Variants in RET observed in about 807,000 individuals in gnomAD.
RET encodes proto-oncogene tyrosine-protein kinase receptor Ret.
RET carries 19 observed loss-of-function variants against 118.3 expected under a neutral mutation model. The ratio of observed to expected loss-of-function variants is 0.16; its 90% CI spans 0.11 to 0.24. RET has a LOEUF of 0.24. Ranked by LOEUF, RET falls within the 10% of genes least tolerant of loss-of-function variation. The pLI is 1.00. For missense variants in RET, 1,219 were observed against 1,502.1 expected, an observed-to-expected ratio of 0.81 and a Z score of 3.12; for synonymous variants, 597 against 644.1, an observed-to-expected ratio of 0.93 and a Z score of 1.11.
At chr10:43,107,233 G>A (rs1347959268) in intron 5 of RET, among the ~76,000 whole-genome samples, 1 of 152,122 alleles carries the variant, frequency 6.6e-6, no homozygotes, top group Non-Finnish European at 1.5e-5. Flanking sequence ...GCCTGGTCCT[G>A]TTCATTCCTC....
intron 18 of RET, 142 bp from the exon 19 acceptor site, chr10:43,126,433 C>T (rs2133030445): frequency 1.2e-6 from 1 of 814,510 alleles, no homozygotes; most frequent in Non-Finnish European, 2.1e-6. Flanking sequence ...GCAGCCTGGC[C>T]CTGGTCTCTT....
chr10:43,124,395 C>T (rs886899271), intron 17 of RET, among the ~76,000 whole-genome samples: 13 of 152,068 alleles, frequency 8.5e-5, no homozygotes, highest in African/African-American at 2.9e-4. Flanking sequence ...CCAGCTGGAG[C>T]GCTGTGGTCT....
intron 1 of RET, among the ~76,000 whole-genome samples, chr10:43,082,204 C>G (rs1837200271): frequency 6.6e-6 from 1 of 152,186 alleles, no homozygotes; most frequent in Non-Finnish European, 1.5e-5. Flanking sequence ...TCCTTGTTCC[C>G]ACAGCTCCTC....
At chr10:43,121,484 G>A (rs1357093874) in intron 15 of RET, among the ~76,000 whole-genome samples, 2 of 152,056 alleles carry the variant, frequency 1.3e-5, no homozygotes, top group African/African-American at 4.8e-5. Context: ...CAATAAGAGA[G>A]AAAAAACAGC....
intron 1 of RET, among the ~76,000 whole-genome samples, chr10:43,098,125 A>G (rs956430342): frequency 2.0e-5 from 3 of 152,246 alleles, no homozygotes; most frequent in African/African-American, 4.8e-5. Context: ...ATTTTTAAGT[A>G]TACATTTCAG....
At chr10:43,095,399 T>A (rs991301460) in intron 1 of RET, among the ~76,000 whole-genome samples, 6 of 152,112 alleles carry the variant, frequency 3.9e-5, no homozygotes, top group Non-Finnish European at 7.4e-5. Context: ...TCCAAAGCCC[T>A]CCACCGATGA....
intron 18 of RET, among the ~76,000 whole-genome samples, chr10:43,125,342 G>C (rs1292378072): frequency 6.6e-6 from 1 of 152,226 alleles, no homozygotes; most frequent in Admixed American, 6.5e-5. Context: ...CCCAGAGGGG[G>C]GTCCGGCTGG....
chr10:43,093,979 G>A (rs553965783), intron 1 of RET, among the ~76,000 whole-genome samples: 261 of 152,160 alleles, frequency 1.7e-3, no homozygotes, highest in Non-Finnish European at 2.7e-3. Context: ...GCAGGGCCAC[G>A]GGCTCCAGGG....
At chr10:43,084,094 G>A (rs1298573162) in intron 1 of RET, among the ~76,000 whole-genome samples, 1 of 152,208 alleles carries the variant, frequency 6.6e-6, no homozygotes, top group South Asian at 2.1e-4. Context: ...TCCTGTGAGG[G>A]GTAAATAGTG....
At chr10:43,095,349 A>G (rs1331795433) in intron 1 of RET, among the ~76,000 whole-genome samples, 1 of 152,020 alleles carries the variant, frequency 6.6e-6, no homozygotes, top group African/African-American at 2.4e-5. Context: ...AGGTGTAACA[A>G]CCGGAGACAG....
intron 16 of RET, 63 bp from the exon 17 acceptor site, chr10:43,123,608 G>GC (rs1407532958): frequency 8.1e-6 from 13 of 1,609,508 alleles, no homozygotes; most frequent in East Asian, 6.7e-5. Flanking sequence ...GGATATCTGG[G>GC]CCCCCCGGAG....
Position 43,106,383 on chromosome 10 carries a change from T to C in RET, c.875T>C (p.Val292Ala). The change falls in exon 5 of 20, where the codon GTG (valine) becomes GCG (alanine). Residue 292 changes from valine to alanine, a missense_variant. Physicochemically the swap from Val to Ala is moderately conservative, Grantham distance 64 (BLOSUM62 0). Around this residue, in one of 5 missense-constraint regions of RET, gnomAD observed 850 missense variants for 969.6 expected, o/e 0.88. Transcript: ENST00000355710. The surrounding 1 kb of genome is among the most constrained non-coding windows in gnomAD (Gnocchi z 5.1). Reference protein sequence around the residue: ...VVEFKRKEDTVVATLRVFDAD... With the variant: ...VVEFKRKEDTAVATLRVFDAD... Reference sequence around the variant, plus strand: ...GCCCTCTGCATCCTGCAGGACACCGTGGTGGCCACGCTGCGTGTCTTCGAT... The same window carrying C: ...GCCCTCTGCATCCTGCAGGACACCGCGGTGGCCACGCTGCGTGTCTTCGAT... 1 of 1,610,948 alleles carries C rather than the reference T, an allele frequency of 6.2e-7. No individual in the cohort carries two copies. The highest frequency in any genetic ancestry group is 8.5e-7 in the Non-Finnish European group (1 of 1,179,892).
At position 43,106,559 on chromosome 10, in the gene RET, G is replaced by A. The variant is rs777716061; in HGVS notation, c.1051G>A (p.Val351Ile). The change falls in exon 5 of 20, where the codon GTA (valine) becomes ATA (isoleucine). Residue 351 changes from valine (V) to isoleucine (I), a missense_variant. Physicochemically the swap from Val to Ile is conservative, Grantham distance 29 (BLOSUM62 3). Coordinates refer to ENST00000355710, the MANE Select transcript of RET (RefSeq NM_020975.6). The surrounding 1 kb of genome is among the most constrained non-coding windows in gnomAD (Gnocchi z 5.1). ...QANGSFVRAT[V>I]HDYRLVLNRN... ...CAACGGCAGCTTCGTGCGGGCGACC[G>A]TACATGACTATAGTAAGAGGGGCTG... The A allele has an allele frequency of 9.3e-6, 15 of 1,613,320 alleles. No homozygotes were observed. Among genetic ancestry groups the A allele is most frequent in the African/African-American group, 1.3e-5 (1 of 74,880 alleles).
At chr10:43,119,903 G>A (rs927113622) in intron 14 of RET, among the ~76,000 whole-genome samples, 158 bp downstream of exon 14, 26 of 149,742 alleles carry the variant, frequency 1.7e-4, no homozygotes, top group Admixed American at 1.4e-3. Context: ...GGCTCACCAC[G>A]CCCCTGCCAT....
chr10:43,122,846 A>G (rs1564500277), intron 16 of RET, among the ~76,000 whole-genome samples: 2 of 152,138 alleles, frequency 1.3e-5, no homozygotes, highest in Non-Finnish European at 2.9e-5. Context: ...CTGACCTCAA[A>G]TGATCCACCC....
At position 43,102,475 on chromosome 10, in the gene RET, C is replaced by T. The variant is rs2132681439; in HGVS notation, c.471C>T (p.Cys157=). The part of the protein sequence containing the change: ...FSFFNTSFPA[C]SSLKPRELCF... ...TCTTCAACACCTCCTTTCCAGCCTGCAGCTCCCTCAAGCCCCGGGAGCTCT... is the reference window on the plus strand; with the variant it reads ...TCTTCAACACCTCCTTTCCAGCCTGTAGCTCCCTCAAGCCCCGGGAGCTCT... Residue 157 remains cysteine, a synonymous_variant, in exon 3 of 20, where the codon TGC becomes TGT. Transcript: ENST00000355710. 1 of 1,614,254 alleles carries T rather than the reference C, an allele frequency of 6.2e-7. No individual in the cohort carries two copies. Among genetic ancestry groups the T allele is most frequent in the Non-Finnish European group, 8.5e-7 (1 of 1,180,036 alleles).
At chr10:43,112,377 G>C (rs77341521) in intron 8 of RET, among the ~76,000 whole-genome samples, 153 bp downstream of exon 8, 2 of 152,246 alleles carry the variant, frequency 1.3e-5, no homozygotes, top group African/African-American at 2.4e-5. Context: ...CCAGCATAGC[G>C]GGCAGCAGTG....
intron 1 of RET, among the ~76,000 whole-genome samples, chr10:43,090,146 C>G (rs971036194): frequency 2.0e-5 from 3 of 152,194 alleles, no homozygotes; most frequent in Admixed American, 6.5e-5. Context: ...GCAAATGGCT[C>G]AGAGAGACAC....
At position 43,106,524 on chromosome 10, in the gene RET, C is replaced by T. The variant is rs774829203; in HGVS notation, c.1016C>T (p.Ser339Leu). The T allele has an allele frequency of 5.0e-6, 8 of 1,613,686 alleles. No homozygotes were observed. The highest frequency in any genetic ancestry group is 3.3e-4 in the Middle Eastern group (2 of 6,076). The change falls in exon 5 of 20, where the codon TCG becomes TTG. Residue 339 changes from serine (S) to leucine (L), a missense_variant. Coordinates refer to ENST00000355710, the MANE Select transcript of RET (RefSeq NM_020975.6). The surrounding 1 kb of genome is among the most constrained non-coding windows in gnomAD (Gnocchi z 5.1). Reference protein sequence around the residue: ...FRVEHWPNETSVQANGSFVRA... With the variant: ...FRVEHWPNETLVQANGSFVRA... The stretch of plus-strand genomic sequence containing the variant: ...GTGGAACACTGGCCCAACGAGACCT[C>T]GGTCCAGGCCAACGGCAGCTTCGTG...
Sources: gnomAD v4.1 joint callset for allele counts (sites outside exome capture counted in the v4.1 genomes callset) on GRCh38, gnomAD v4.1.1 for gene constraint, gnomAD v4.1.1 regional missense constraint, Gnocchi (gnomAD v3.1) non-coding constraint, MANE v1.5 for transcripts, NCBI Gene and HGNC (gene_info 2026-07-23, HGNC 2026-07-21) for gene names.